Variants in MAS1 observed in about 807,000 individuals in gnomAD.
MAS1 encodes proto-oncogene Mas.
For synonymous variants in MAS1, 163 were observed against 164.2 expected (o/e 0.99, Z 0.05); for missense variants, 387 against 409.7 (o/e 0.94, Z 0.48).
At position 159,909,580 on chromosome 6, in the gene MAS1, CA is replaced by C. The variant is rs1782942153; in HGVS notation, c.*1648del. The C allele has an allele frequency of 6.6e-6, 1 of 152,190 alleles. No individual in the cohort carries two copies. Among genetic ancestry groups the C allele is most frequent in the Non-Finnish European group, 1.5e-5 (1 of 68,038 alleles). 9.4% of individuals were successfully genotyped at this position (152,190 alleles called of 1,614,324 possible). Reference sequence around the variant, plus strand: ...GCCCAGATGGGGTGTGGAGCAATGACATTTAGAATGATCTTGTTTTTGGTTG... The same window carrying C: ...GCCCAGATGGGGTGTGGAGCAATGACTTTAGAATGATCTTGTTTTTGGTTG... On this transcript the variant is annotated 3_prime_UTR_variant, in exon 3 of 3. Transcript: ENST00000674077.
At chr6:159,889,516 C>A (rs1056440573), upstream of MAS1, among the ~76,000 whole-genome samples, 5 of 152,152 alleles carry the variant, frequency 3.3e-5, no homozygotes, top group African/African-American at 1.2e-4. Context: ...GCTTCCTGGG[C>A]AGCCTCTTAT....
intron 1 of MAS1, among the ~76,000 whole-genome samples, chr6:159,895,785 A>G (rs1054249312): frequency 6.6e-6 from 1 of 152,226 alleles, no homozygotes; most frequent in African/African-American, 2.4e-5. Flanking sequence ...TATTAATATA[A>G]TTGGCATGGT....
chr6:159,904,221 G>A (rs1248923196), intron 2 of MAS1, among the ~76,000 whole-genome samples: 2 of 151,932 alleles, frequency 1.3e-5, no homozygotes, highest in South Asian at 2.1e-4. Flanking sequence ...TTAATGGCCC[G>A]TATTTCACAG....
intron 2 of MAS1, among the ~76,000 whole-genome samples, chr6:159,906,229 A>G (rs898287563): frequency 2.0e-5 from 3 of 152,174 alleles, no homozygotes; most frequent in Non-Finnish European, 4.4e-5. Flanking sequence ...GGGGACGTAC[A>G]TACGTCTTGT....
At chr6:159,889,924 C>T (rs575219050), upstream of MAS1, among the ~76,000 whole-genome samples, 23 of 152,312 alleles carry the variant, frequency 1.5e-4, no homozygotes, top group African/African-American at 4.8e-4. Flanking sequence ...CGAAAACAGT[C>T]GGAGGGGAAC....
At chr6:159,901,189 C>A (rs1380103347) in intron 2 of MAS1, among the ~76,000 whole-genome samples, 2 of 152,146 alleles carry the variant, frequency 1.3e-5, no homozygotes, top group African/African-American at 4.8e-5. Flanking sequence ...ACTCTTAGGA[C>A]CTTATTTAGC....
chr6:159,900,446 C>T (rs1174018364), intron 2 of MAS1, among the ~76,000 whole-genome samples: 1 of 152,200 alleles, frequency 6.6e-6, no homozygotes, highest in Non-Finnish European at 1.5e-5. Context: ...CATTTCTCGC[C>T]ATCTGCTATT....
At chr6:159,892,176 T>A (rs1367008247) in intron 1 of MAS1, among the ~76,000 whole-genome samples, 1 of 152,196 alleles carries the variant, frequency 6.6e-6, no homozygotes, top group Non-Finnish European at 1.5e-5. Flanking sequence ...ACGGGAATGA[T>A]GCATTTAATA....
intron 1 of MAS1, among the ~76,000 whole-genome samples, chr6:159,896,640 C>A (rs564885060): frequency 2.0e-5 from 3 of 152,110 alleles, no homozygotes; most frequent in Non-Finnish European, 4.4e-5. Context: ...AAGAAAATAT[C>A]CCCATTTTGT....
At chr6:159,898,299 G>A (rs974487578) in intron 1 of MAS1, among the ~76,000 whole-genome samples, 9 of 152,176 alleles carry the variant, frequency 5.9e-5, no homozygotes, top group African/African-American at 1.2e-4. Context: ...TAGAGAGGCT[G>A]TAAACAGTAA....
At chr6:159,896,260 A>T (rs778734314) in intron 1 of MAS1, among the ~76,000 whole-genome samples, 21 of 152,272 alleles carry the variant, frequency 1.4e-4, no homozygotes, top group Non-Finnish European at 2.9e-4. Context: ...TCACTGCTGC[A>T]CTCCAGCCTG....
rs574871091 is a variant in MAS1, at chr6:159,916,582, C to T, written c.*8649C>T. 4 of 152,280 alleles carry T rather than the reference C, an allele frequency of 2.6e-5. No individual in the cohort carries two copies. Among genetic ancestry groups the T allele is most frequent in the South Asian group, 4.2e-4 (2 of 4,816 alleles). 9.4% of individuals were successfully genotyped at this position (152,280 alleles called of 1,614,324 possible). On this transcript the variant is annotated 3_prime_UTR_variant, in exon 3 of 3. Transcript: ENST00000674077. The stretch of plus-strand genomic sequence containing the variant: ...CAGGATGCTGGGCAGCCCATGGCCC[C>T]GAGACAGGTGCCAAGTCAATACTTG...
intron 2 of MAS1, among the ~76,000 whole-genome samples, chr6:159,904,184 G>A (rs1167538570): frequency 6.6e-6 from 1 of 151,904 alleles, no homozygotes; most frequent in Non-Finnish European, 1.5e-5. Flanking sequence ...ATGCCTCAAG[G>A]CCCAGTCCTT....
Position 159,907,045 on chromosome 6 carries a change from G to C in MAS1, c.90G>C (p.Arg30=), listed in dbSNP as rs752756968. The C allele has an allele frequency of 5.6e-6, 9 of 1,614,044 alleles. No individual in the cohort carries two copies. In the South Asian group the frequency reaches 9.9e-5, roughly 18 times the overall value. ...ACGCCTCAGTCGGGAATGCACATCG[G>C]CAAATCCCCATCGTGCACTGGGTCA... ...GRNASVGNAH[R]QIPIVHWVIM... is the part of the protein sequence containing the mutation. Residue 30 remains arginine (R), a synonymous_variant, in exon 3 of 3, where the codon CGG becomes CGC. Transcript: ENST00000674077.
At chr6:159,905,229 T>C (rs1203580839) in intron 2 of MAS1, among the ~76,000 whole-genome samples, 1 of 152,198 alleles carries the variant, frequency 6.6e-6, no homozygotes, top group East Asian at 1.9e-4. Flanking sequence ...ATGGGCTAAA[T>C]GTGTGGGGGG....
At position 159,915,829 on chromosome 6, in the gene MAS1, A is replaced by AG. The variant is rs1783015949; in HGVS notation, c.*7898dup. On this transcript the variant is annotated 3_prime_UTR_variant, in exon 3 of 3. Transcript: ENST00000674077. ...GGTGAGTGAAGGAGAACAAGGGCCC[A>AG]GGACAGTGAGGCCCCACCTCAGAAC... The AG allele has an allele frequency of 6.6e-6, 1 of 152,384 alleles. No individual in the cohort carries two copies. Among genetic ancestry groups the AG allele is most frequent in the Non-Finnish European group, 1.5e-5 (1 of 68,148 alleles). 9.4% of individuals were successfully genotyped at this position (152,384 alleles called of 1,614,324 possible).
chr6:159,905,592 A>G (rs1782875873), intron 2 of MAS1, among the ~76,000 whole-genome samples: 1 of 152,224 alleles, frequency 6.6e-6, no homozygotes, highest in Non-Finnish European at 1.5e-5. Flanking sequence ...CTGAGATCAC[A>G]GCTCAGGGCC....
intron 2 of MAS1, among the ~76,000 whole-genome samples, chr6:159,901,140 C>G (rs1782816589): frequency 6.6e-6 from 1 of 152,140 alleles, no homozygotes; most frequent in Non-Finnish European, 1.5e-5. Flanking sequence ...GTCTCTTCCC[C>G]TTCTTACAAG....
In MAS1 at chr6:159,909,933, G is replaced by A. The variant is rs1278257525; in HGVS notation, c.*2000G>A. 1 of 152,190 alleles carries A rather than the reference G, an allele frequency of 6.6e-6. No homozygotes were observed. Among genetic ancestry groups the A allele is most frequent in the African/African-American group, 2.4e-5 (1 of 41,458 alleles). 9.4% of individuals were successfully genotyped at this position (152,190 alleles called of 1,614,324 possible). On this transcript the variant is annotated 3_prime_UTR_variant, in exon 3 of 3. Coordinates refer to ENST00000674077, the MANE Select transcript of MAS1 (RefSeq NM_002377.4). ...AAAATGATGCCTTACCAAGAGGTAGGAGGTAGGATTCAGAGTTTGGCAGGG... is the reference window on the plus strand; with the variant it reads ...AAAATGATGCCTTACCAAGAGGTAGAAGGTAGGATTCAGAGTTTGGCAGGG...
Sources: allele counts gnomAD v4.1 joint callset (sites outside exome capture counted in the v4.1 genomes callset), GRCh38; gene constraint gnomAD v4.1.1; transcripts MANE v1.5; gene names NCBI Gene and HGNC (gene_info 2026-07-23, HGNC 2026-07-21).